NCKAP5: variants seen among roughly 807,000 people sequenced by gnomAD.
NCKAP5 encodes nck-associated protein 5.
In NCKAP5, 92 loss-of-function variants were observed where a neutral mutation model predicts 167.0. The ratio of observed to expected loss-of-function variants is 0.55; its 90% confidence interval spans 0.47 to 0.66. The LOEUF (loss-of-function observed/expected upper bound fraction) is 0.66, where lower values mean the gene tolerates loss of function less well. Among genes scored for constraint, NCKAP5 ranks in the 30% least tolerant of loss-of-function variants. The pLI is 0.00. For synonymous variants in NCKAP5, 891 were observed against 877.4 expected (o/e 1.02, Z -0.27); for missense variants, 2,378 against 2,315.0 (o/e 1.03, Z -0.56).
chr2:133,028,542 C>T (rs909770031), intron 6 of NCKAP5, among the ~76,000 whole-genome samples: 53 of 152,216 alleles, frequency 3.5e-4, no homozygotes, highest in African/African-American at 1.2e-3. Context: ...AACCTTATAA[C>T]CAAGTTGGTT....
In NCKAP5 at chr2:133,255,035, A is replaced by G. The variant is rs553120313; in HGVS notation, c.144-41256T>C. ...AACAAGCAATTTGACTATGAAAAAA[A>G]AGTTTTCTTTTATAAAATAATAAAA... On this transcript the variant is annotated intron_variant, in intron 4 of 19. Transcript: ENST00000409261. 2.6e-5 allele frequency among the ~76,000 whole-genome samples: 4 copies of G among 152,226 alleles called. No homozygotes were observed. In the South Asian group the frequency reaches 8.3e-4, roughly 32 times the overall value.
rs535426878 is a variant in NCKAP5, at chr2:133,539,309, G to A, written c.-62+19741C>T. On this transcript the variant is annotated intron_variant, in intron 2 of 19. Transcript: ENST00000409261. The stretch of plus-strand genomic sequence containing the variant: ...AACCTAGTTCTAGTTGGGGTGTCTG[G>A]TAAGCTTCCCAGAGGCATCCATAAA... 3.3e-5 allele frequency among the ~76,000 whole-genome samples: 5 copies of A among 152,176 alleles called. No individual in the cohort carries two copies. The South Asian group carries it at 1.0e-3, about 32-fold the overall frequency.
chr2:133,465,673 G>A (rs1215319654), intron 3 of NCKAP5, among the ~76,000 whole-genome samples: 1 of 152,012 alleles, frequency 6.6e-6, no homozygotes, highest in Non-Finnish European at 1.5e-5. Flanking sequence ...AGCACCTGTT[G>A]TTTCCTGACT....
rs760014852 is a variant in NCKAP5, at chr2:133,023,813, T to C, written c.342-29574A>G. Reference sequence around the variant, plus strand: ...GTTATGGGTGTGTAGTATTCCATGGTATATATGTACCACATTTTTAAAATT... The same window carrying C: ...GTTATGGGTGTGTAGTATTCCATGGCATATATGTACCACATTTTTAAAATT... On this transcript the variant is annotated intron_variant, in intron 6 of 19. Coordinates refer to ENST00000409261, the MANE Select transcript of NCKAP5 (RefSeq NM_207363.3). Among the ~76,000 whole-genome samples, 32 of 152,308 alleles carry C rather than the reference T, an allele frequency of 2.1e-4. 1 individual carries two copies. Among genetic ancestry groups the C allele is most frequent in the Admixed American group, 5.2e-4 (8 of 15,298 alleles).
At position 133,254,035 on chromosome 2, in the gene NCKAP5, C is replaced by G. The variant is rs538744247; in HGVS notation, c.144-40256G>C. On this transcript the variant is annotated intron_variant, in intron 4 of 19. Transcript: ENST00000409261. ...TGCTCCACTGCAAAAGCCTGGGAAA[C>G]ATGCCTAAAAAATTTTAGATGATGA... Among the ~76,000 whole-genome samples, 147 of 152,292 alleles carry G rather than the reference C, an allele frequency of 9.7e-4. 1 individual carries two copies. The highest frequency in any genetic ancestry group is 3.4e-3 in the African/African-American group (141 of 41,560).
intron 11 of NCKAP5, 63 bp from the exon 12 acceptor site, chr2:132,796,792 C>T (rs1419797414): frequency 5.2e-6 from 6 of 1,147,708 alleles, no homozygotes; most frequent in African/African-American, 4.6e-5. Context: ...CAAAATCCTG[C>T]CTTGGACAGT....
At chr2:133,196,175 T>C (rs927961275) in intron 5 of NCKAP5, among the ~76,000 whole-genome samples, 2 of 152,192 alleles carry the variant, frequency 1.3e-5, no homozygotes, top group African/African-American at 4.8e-5. Context: ...TGTTTTGCCA[T>C]GGACCTTCAC....
intron 6 of NCKAP5, among the ~76,000 whole-genome samples, chr2:133,096,390 A>G (rs2081344804): frequency 6.6e-6 from 1 of 152,040 alleles, no homozygotes; most frequent in South Asian, 2.1e-4. Context: ...TGGGAGGCTG[A>G]GGGAAGAGCA....
intron 3 of NCKAP5, among the ~76,000 whole-genome samples, chr2:133,461,762 T>C (rs1015827729): frequency 1.3e-5 from 2 of 152,228 alleles, no homozygotes; most frequent in Non-Finnish European, 2.9e-5. Flanking sequence ...GTGGCCAAGC[T>C]AGGCAGTCAT....
At chr2:133,437,963 G>A (rs1690599172) in intron 3 of NCKAP5, among the ~76,000 whole-genome samples, 1 of 152,052 alleles carries the variant, frequency 6.6e-6, no homozygotes, top group Admixed American at 6.5e-5. Flanking sequence ...TTTGAAGAAG[G>A]GATTTGCCTG....
At chr2:132,754,240 C>T (rs1223872208) in intron 16 of NCKAP5, among the ~76,000 whole-genome samples, 1 of 152,166 alleles carries the variant, frequency 6.6e-6, no homozygotes, top group Non-Finnish European at 1.5e-5. Flanking sequence ...CTTCCCCTAT[C>T]GATCTTTCCT....
intron 7 of NCKAP5, among the ~76,000 whole-genome samples, chr2:132,980,165 A>AT (rs894323884): frequency 1.3e-5 from 2 of 150,780 alleles, no homozygotes; most frequent in East Asian, 2.0e-4. Flanking sequence ...AATTTTTTAT[A>AT]TTTTTTTGTA....
At position 133,212,113 on chromosome 2, in the gene NCKAP5, C is replaced by T. The variant is rs2086234719; in HGVS notation, c.207+1603G>A. Among the ~76,000 whole-genome samples the T allele has an allele frequency of 2.6e-5, 4 of 152,190 alleles. No homozygotes were observed. The South Asian group carries it at 8.3e-4, about 31-fold the overall frequency. ...ACTAAGTTAAAGGAATCACAAAATT[C>T]CCACCTTCCCATTTTAAAGATGAGG... On this transcript the variant is annotated intron_variant, in intron 5 of 19. Coordinates refer to ENST00000409261, the MANE Select transcript of NCKAP5 (RefSeq NM_207363.3).
At chr2:132,904,267 A>T (rs1299933736) in intron 8 of NCKAP5, among the ~76,000 whole-genome samples, 1 of 151,868 alleles carries the variant, frequency 6.6e-6, no homozygotes, top group Non-Finnish European at 1.5e-5. Flanking sequence ...CAGCCTGGGC[A>T]ACAGAGTGAG....
chr2:132,972,633 G>A (rs914025907), intron 7 of NCKAP5, among the ~76,000 whole-genome samples: 1 of 151,858 alleles, frequency 6.6e-6, no homozygotes, highest in African/African-American at 2.4e-5. Context: ...AGGCTGAGGC[G>A]AGTGGATCAT....
At chr2:132,931,989 G>A (rs545478638) in intron 8 of NCKAP5, among the ~76,000 whole-genome samples, 23 of 152,258 alleles carry the variant, frequency 1.5e-4, no homozygotes, top group Admixed American at 5.2e-4. Flanking sequence ...CATATTCACC[G>A]TACAGGAAAA....
Position 132,966,358 on chromosome 2 carries a change from C to T in NCKAP5, c.430-2489G>A, listed in dbSNP as rs536399991. Among the ~76,000 whole-genome samples, 11 of 152,258 alleles carry T rather than the reference C, an allele frequency of 7.2e-5. No homozygotes were observed. In the East Asian group the frequency reaches 1.7e-3, roughly 24 times the overall value. ...CAGGTGATCCACCCTCCTCAGCCTCCGAAAGTGCTGGGATTACAGGCCTAA... is the reference window on the plus strand; with the variant it reads ...CAGGTGATCCACCCTCCTCAGCCTCTGAAAGTGCTGGGATTACAGGCCTAA... On this transcript the variant is annotated intron_variant, in intron 7 of 19. Coordinates refer to ENST00000409261, the MANE Select transcript of NCKAP5 (RefSeq NM_207363.3).
chr2:133,192,043 T>A (rs1415085099), intron 5 of NCKAP5, among the ~76,000 whole-genome samples: 1 of 152,088 alleles, frequency 6.6e-6, no homozygotes, highest in Non-Finnish European at 1.5e-5. Context: ...CTAAATTCCA[T>A]GACTTATTAT....
chr2:133,250,588 A>G (rs2088262113), intron 4 of NCKAP5, among the ~76,000 whole-genome samples: 1 of 152,236 alleles, frequency 6.6e-6, no homozygotes, highest in African/African-American at 2.4e-5. Flanking sequence ...CTATTTTCTC[A>G]GTGGAAACAG....
Sources: allele counts gnomAD v4.1 joint callset (sites outside exome capture counted in the v4.1 genomes callset), GRCh38; gene constraint gnomAD v4.1.1; transcripts MANE v1.5; gene names NCBI Gene and HGNC (gene_info 2026-07-23, HGNC 2026-07-21).